Variants in DPT observed in about 807,000 individuals in gnomAD.
DPT encodes the protein tyrosine-rich acidic matrix protein.
DPT carries 21 observed loss-of-function variants against 31.2 expected under a neutral mutation model. The observed-to-expected ratio is 0.67, with a 90% CI of 0.48 to 0.97. DPT has a LOEUF of 0.97. DPT is among the 50% of genes least tolerant of loss of function. The probability of loss-of-function intolerance (pLI) is 0.00; values close to 1 mark genes in which losing one functional copy is unlikely to be tolerated. For missense variants in DPT, 262 were observed against 258.8 expected (o/e 1.01, Z -0.08); for synonymous variants, 91 against 86.9 (o/e 1.05, Z -0.26).
rs572830437 is a variant in DPT, at chr1:168,717,894, G to A, written c.306-3548C>T. 2.0e-5 allele frequency among the ~76,000 whole-genome samples: 3 copies of A among 152,298 alleles called. No homozygotes were observed. The East Asian group carries it at 5.8e-4, about 29-fold the overall frequency. ...TATGAGTGGAATGGACTAGGCTCAT[G>A]ATATGGTGGAAAGGTAGCTTTAGGG... is the stretch of plus-strand genomic sequence containing the variant. On this transcript the variant is annotated intron_variant, in intron 1 of 3. Transcript: ENST00000367817.
intron 2 of DPT, among the ~76,000 whole-genome samples, chr1:168,713,471 T>A (rs1649910175): frequency 6.6e-6 from 1 of 152,142 alleles, no homozygotes; most frequent in Non-Finnish European, 1.5e-5. Context: ...GAGCCAACCT[T>A]CACATGTTGA....
intron 1 of DPT, among the ~76,000 whole-genome samples, chr1:168,723,906 C>T (rs1397632180): frequency 6.6e-6 from 1 of 152,148 alleles, no homozygotes; most frequent in Non-Finnish European, 1.5e-5. Flanking sequence ...CATGTATACT[C>T]TTCACCCAGG....
At chr1:168,726,130 G>C (rs1200145197) in intron 1 of DPT, among the ~76,000 whole-genome samples, 2 of 152,180 alleles carry the variant, frequency 1.3e-5, no homozygotes, top group Non-Finnish European at 2.9e-5. Flanking sequence ...CCTGTGATTA[G>C]TAGACGGGGA....
At position 168,703,916 on chromosome 1, in the gene DPT, A is replaced by G. The variant is rs544718095; in HGVS notation, c.432-2792T>C. ...GTGGCTGCATTTAGCGCTTGATGAC[A>G]CTGCATGTGCACGCGCACACACACA... On this transcript the variant is annotated intron_variant, in intron 2 of 3. Transcript: ENST00000367817. Among the ~76,000 whole-genome samples the G allele has an allele frequency of 2.7e-3, 408 of 152,284 alleles. 1 individual carries two copies. Among genetic ancestry groups the G allele is most frequent in the Non-Finnish European group, 4.7e-3 (317 of 68,010 alleles).
At chr1:168,705,786 A>T (rs1464131820) in intron 2 of DPT, among the ~76,000 whole-genome samples, 1 of 152,174 alleles carries the variant, frequency 6.6e-6, no homozygotes, top group African/African-American at 2.4e-5. Flanking sequence ...GAATTCTCAG[A>T]TGTTGTGAGA....
chr1:168,696,851 G>A (rs952061146), intron 3 of DPT, among the ~76,000 whole-genome samples: 1 of 152,216 alleles, frequency 6.6e-6, no homozygotes, highest in African/African-American at 2.4e-5. Context: ...GGAGGCCTCT[G>A]TTCATCACTG....
rs757014978 is a variant in DPT, at chr1:168,714,202, G to A, written c.431+19C>T. The A allele has an allele frequency of 3.7e-6, 6 of 1,613,862 alleles. No individual in the cohort carries two copies. The highest frequency in any genetic ancestry group is 3.4e-6 in the Non-Finnish European group (4 of 1,179,958). The stretch of plus-strand genomic sequence containing the variant: ...CCCACCCCAGGAGTCATGAGGGTTT[G>A]GTCGGCTGCCAGACTCACCAGCAGG... On this transcript the variant is annotated intron_variant, in intron 2 of 3. Transcript: ENST00000367817.
At position 168,728,893 on chromosome 1, in the gene DPT, C is replaced by T. The variant is rs765795417; in HGVS notation, c.282G>A (p.Glu94=). The T allele has an allele frequency of 1.2e-6, 2 of 1,614,088 alleles. No individual in the cohort carries two copies. The highest frequency in any genetic ancestry group is 1.7e-6 in the Non-Finnish European group (2 of 1,180,024). ...ACCATTCCATGCCAGCCCTGTTGAT[C>T]TCCTCCCACCAGCACTCCGTGGGTT... is the stretch of plus-strand genomic sequence containing the variant. ...LGEPTECWWE[E]INRAGMEWYQ... is the part of the protein sequence containing the mutation. Residue 94 remains glutamate (E), a synonymous_variant, in exon 1 of 4, where the codon GAG becomes GAA. Coordinates refer to ENST00000367817, the MANE Select transcript of DPT (RefSeq NM_001937.5).
intron 2 of DPT, among the ~76,000 whole-genome samples, chr1:168,709,031 A>G (rs1270376601): frequency 2.0e-5 from 3 of 152,220 alleles, no homozygotes; most frequent in African/African-American, 4.8e-5. Flanking sequence ...TAGGCAGTGG[A>G]GAATGCAAAG....
intron 1 of DPT, among the ~76,000 whole-genome samples, chr1:168,718,208 C>G (rs183970997): frequency 6.4e-4 from 97 of 152,338 alleles, no homozygotes; most frequent in African/African-American, 2.1e-3. Flanking sequence ...GGACAGAGCT[C>G]CCATGGGGGT....
At position 168,696,594 on chromosome 1, in the gene DPT, T is replaced by C. The variant is rs185827819; in HGVS notation, c.561A>G (p.Ile187Met). The C allele has an allele frequency of 7.4e-6, 12 of 1,614,028 alleles. No individual in the cohort carries two copies. Among genetic ancestry groups the C allele is most frequent in the Non-Finnish European group, 1.0e-5 (12 of 1,179,964 alleles). Residue 187 changes from isoleucine (I) to methionine (M), a missense_variant, in exon 4 of 4, where the codon ATA becomes ATG. Coordinates refer to ENST00000367817, the MANE Select transcript of DPT (RefSeq NM_001937.5). Reference sequence around the variant, plus strand: ...AGTCGTATTCAGTCATCCGGCACATTATGAACTTCCACTGGCGATCCCTGT... The same window carrying C: ...AGTCGTATTCAGTCATCCGGCACATCATGAACTTCCACTGGCGATCCCTGT... ...AVERDRQWKFIMCRMTEYDCE... is the reference protein window; with the variant it reads ...AVERDRQWKFMMCRMTEYDCE...
intron 1 of DPT, among the ~76,000 whole-genome samples, chr1:168,715,014 C>T (rs1460200967): frequency 6.6e-6 from 1 of 151,864 alleles, no homozygotes; most frequent in East Asian, 2.0e-4. Flanking sequence ...GAATTCTATT[C>T]CTGGTGGCCA....
intron 2 of DPT, among the ~76,000 whole-genome samples, chr1:168,706,892 GC>G (rs1048581079): frequency 6.6e-6 from 1 of 152,176 alleles, no homozygotes; most frequent in African/African-American, 2.4e-5. Flanking sequence ...ATTTTCATTA[GC>G]CACATTATGT....
chr1:168,701,334 T>A (rs1649593050), intron 2 of DPT, among the ~76,000 whole-genome samples: 1 of 152,110 alleles, frequency 6.6e-6, no homozygotes. Context: ...GCCATTAAAC[T>A]GTGCACTGAA....
At chr1:168,705,132 G>A (rs494317) in intron 2 of DPT, among the ~76,000 whole-genome samples, 64,575 of 152,036 alleles carry the variant, frequency 0.42, 13,865 homozygotes, top group East Asian at 0.5. Context: ...AATAGTTAAA[G>A]TAAAGATTTT....
intron 2 of DPT, among the ~76,000 whole-genome samples, chr1:168,701,634 T>C (rs1649599538): frequency 1.3e-5 from 2 of 152,216 alleles, no homozygotes; most frequent in Admixed American, 1.3e-4. Flanking sequence ...AAGATGTACA[T>C]ATTGCGATAG....
chr1:168,706,173 G>A (rs1572626458), intron 2 of DPT, among the ~76,000 whole-genome samples: 1 of 152,154 alleles, frequency 6.6e-6, no homozygotes, highest in East Asian at 1.9e-4. Flanking sequence ...AGGGATCACT[G>A]GTGCATGGAA....
chr1:168,696,161 C>A lies in DPT; in HGVS notation c.*388G>T. ...TGTAGAGAACCTTCACTGCACCTCTCCTCCAGTTCTGCCTCTCCCCTCCAC... is the reference window on the plus strand; with the variant it reads ...TGTAGAGAACCTTCACTGCACCTCTACTCCAGTTCTGCCTCTCCCCTCCAC... On this transcript the variant is annotated 3_prime_UTR_variant, in exon 4 of 4. Coordinates refer to ENST00000367817, the MANE Select transcript of DPT (RefSeq NM_001937.5). 2.4e-6 allele frequency: 1 copy of A among 418,410 alleles called. No homozygotes were observed. Among genetic ancestry groups the A allele is most frequent in the South Asian group, 9.8e-5 (1 of 10,234 alleles). 25.9% of individuals were successfully genotyped at this position (418,410 alleles called of 1,614,324 possible).
In DPT at chr1:168,729,031, G is replaced by A; in HGVS notation, c.144C>T (p.Tyr48=). ...WVNLNRQGFS[Y]QCPQGQVIVA... is the part of the protein sequence containing the mutation. ...CTATCACCTGCCCCTGGGGACACTG[G>A]TAGCTGAAGCCTTGCCGGTTCAAAT... The change falls in exon 1 of 4, where the codon TAC becomes TAT. Residue 48 remains tyrosine (Y), a synonymous_variant. Coordinates refer to ENST00000367817, the MANE Select transcript of DPT (RefSeq NM_001937.5). The A allele has an allele frequency of 6.2e-7, 1 of 1,614,212 alleles. No homozygotes were observed. The highest frequency in any genetic ancestry group is 8.5e-7 in the Non-Finnish European group (1 of 1,180,040).
Sources: allele counts gnomAD v4.1 joint callset (sites outside exome capture counted in the v4.1 genomes callset), GRCh38; gene constraint gnomAD v4.1.1; transcripts MANE v1.5; gene names NCBI Gene and HGNC (gene_info 2026-07-23, HGNC 2026-07-21).